Variants in NECTIN3 observed in about 807,000 individuals in gnomAD.
The protein encoded by NECTIN3 is nectin-3.
In NECTIN3, 8 loss-of-function variants were observed where a neutral mutation model predicts 49.4. The observed-to-expected ratio is 0.16, with a 90% confidence interval of 0.10 to 0.29. The LOEUF (loss-of-function observed/expected upper bound fraction) is 0.29. Among genes scored for constraint, NECTIN3 ranks in the 10% least tolerant of loss-of-function variants. NECTIN3 has a pLI of 1.00. For synonymous variants in NECTIN3, 277 were observed against 241.1 expected (o/e 1.15, Z -1.38); for missense variants, 581 against 654.6 (o/e 0.89, Z 1.23).
chr3:111,115,291 A>G (rs2107456322), intron 2 of NECTIN3, among the ~76,000 whole-genome samples: 1 of 152,326 alleles, frequency 6.6e-6, no homozygotes, highest in Non-Finnish European at 1.5e-5. Context: ...TATGAAGTAC[A>G]AGAATTAAAG....
chr3:111,106,687 A>G (rs1043071005), intron 1 of NECTIN3, among the ~76,000 whole-genome samples: 2 of 152,198 alleles, frequency 1.3e-5, no homozygotes, highest in Admixed American at 1.3e-4. Context: ...GAGGACAACT[A>G]TATGCTATTA....
At chr3:111,122,328 G>A in intron 4 of NECTIN3, 90 bp downstream of exon 4, 2 of 921,186 alleles carry the variant, frequency 2.2e-6, no homozygotes, top group South Asian at 2.0e-5. Context: ...TATAATACAT[G>A]ATTATAGTAA....
chr3:111,134,582 A>G lies in NECTIN3; in HGVS notation c.*367A>G, dbSNP rs76049661. 4,624 of 952,088 alleles carry G rather than the reference A, an allele frequency of 4.9e-3. 161 individuals are homozygous for G. In the African/African-American group the frequency reaches 0.074, roughly 15 times the overall value. 59.0% of individuals were successfully genotyped at this position (952,088 alleles called of 1,614,324 possible). On this transcript the variant is annotated 3_prime_UTR_variant, in exon 6 of 6. Coordinates refer to ENST00000485303, the MANE Select transcript of NECTIN3 (RefSeq NM_015480.3). ...GTGTATTAAATGTTTACCTAAGACT[A>G]TAATCTCAAGTATGATGTTTGTTTA...
chr3:111,172,641 T>C (rs1020003777), intron 7 of NECTIN3, among the ~76,000 whole-genome samples: 2 of 152,190 alleles, frequency 1.3e-5, no homozygotes, highest in Non-Finnish European at 2.9e-5. Context: ...TGCTAACAAA[T>C]TAAACTTTCG....
At chr3:111,115,486 G>A (rs1422451651) in intron 2 of NECTIN3, among the ~76,000 whole-genome samples, 1 of 152,136 alleles carries the variant, frequency 6.6e-6, no homozygotes. Flanking sequence ...CATCACTTGG[G>A]AACTTGTTAG....
chr3:111,100,103 G>T lies in NECTIN3; in HGVS notation c.161-11927G>T, dbSNP rs145498617. On this transcript the variant is annotated intron_variant, in intron 1 of 5. Coordinates refer to ENST00000485303, the MANE Select transcript of NECTIN3 (RefSeq NM_015480.3). Reference sequence around the variant, plus strand: ...TCTCATTCTTAGACCTTAGAAGTACGTGTGTTACTGAATCATAAGCCCTAT... The same window carrying T: ...TCTCATTCTTAGACCTTAGAAGTACTTGTGTTACTGAATCATAAGCCCTAT... Among the ~76,000 whole-genome samples, 3 of 152,116 alleles carry T rather than the reference G, an allele frequency of 2.0e-5. No homozygotes were observed. The East Asian group carries it at 5.8e-4, about 29-fold the overall frequency.
chr3:111,157,785 C>CT (rs916067451), intron 7 of NECTIN3, among the ~76,000 whole-genome samples: 25 of 152,046 alleles, frequency 1.6e-4, no homozygotes, highest in African/African-American at 5.8e-4. Context: ...ATCTTGACTC[C>CT]TTTTTTTCCC....
chr3:111,160,498 G>T (rs1196459217), intron 7 of NECTIN3, among the ~76,000 whole-genome samples: 1 of 151,996 alleles, frequency 6.6e-6, no homozygotes. Context: ...AAACCCAGTT[G>T]GATTGGATTA....
At position 111,134,128 on chromosome 3, in the gene NECTIN3, C is replaced by A; in HGVS notation, c.1563C>A (p.Val521=). The A allele has an allele frequency of 6.2e-7, 1 of 1,613,084 alleles. No homozygotes were observed. The highest frequency in any genetic ancestry group is 1.1e-5 in the South Asian group (1 of 90,958). The change falls in exon 6 of 6, where the codon GTC becomes GTA. Residue 521 remains valine, a synonymous_variant. Transcript: ENST00000485303. ...ATCTAAAAATGGGAATGAAGTTTGT[C>A]AGTGATGAACATTATGATGAAAACG... ...YEDLKMGMKF[V]SDEHYDENED...
intron 1 of NECTIN3, among the ~76,000 whole-genome samples, chr3:111,086,031 G>A (rs1015731634): frequency 3.9e-5 from 6 of 152,044 alleles, no homozygotes; most frequent in African/African-American, 1.2e-4. Context: ...TGGTGATTGT[G>A]ATTTTAATTT....
chr3:111,089,406 C>CGTGT (rs139575444), intron 1 of NECTIN3, among the ~76,000 whole-genome samples: 5,149 of 147,056 alleles, frequency 0.035, 108 homozygotes, highest in Middle Eastern at 0.052. Context: ...CAGCCTTTCT[C>CGTGT]GTGTGTGTGT....
chr3:111,112,926 T>G (rs1447971786), intron 2 of NECTIN3, among the ~76,000 whole-genome samples: 1 of 152,174 alleles, frequency 6.6e-6, no homozygotes, highest in Non-Finnish European at 1.5e-5. Flanking sequence ...GCTCGTTAAC[T>G]TTAAGCTACT....
At chr3:111,131,369 A>G (rs926289042) in intron 5 of NECTIN3, among the ~76,000 whole-genome samples, 1 of 152,042 alleles carries the variant, frequency 6.6e-6, no homozygotes, top group Admixed American at 6.5e-5. Context: ...AAATCATGAT[A>G]TGGTGATGAA....
At chr3:111,139,392 C>A (rs2107503000), downstream of NECTIN3, among the ~76,000 whole-genome samples, 1 of 151,776 alleles carries the variant, frequency 6.6e-6, no homozygotes, top group Middle Eastern at 3.4e-3. Flanking sequence ...TTCATTTGTT[C>A]TAAATTTTTC....
intron 5 of NECTIN3, among the ~76,000 whole-genome samples, chr3:111,143,061 G>C (rs767939448): frequency 3.3e-5 from 5 of 151,760 alleles, no homozygotes; most frequent in Non-Finnish European, 5.9e-5. Flanking sequence ...GGATTGAGTA[G>C]GACCATCTAC....
chr3:111,165,210 A>C (rs191838509), intron 7 of NECTIN3, among the ~76,000 whole-genome samples: 2 of 151,764 alleles, frequency 1.3e-5, no homozygotes, highest in Non-Finnish European at 2.9e-5. Context: ...TGCCCAGCTA[A>C]TTTTTTGTAT....
downstream of NECTIN3, among the ~76,000 whole-genome samples, chr3:111,138,987 A>C (rs1008288088): frequency 2.0e-5 from 3 of 151,640 alleles, no homozygotes; most frequent in Admixed American, 6.6e-5. Flanking sequence ...AAAGCTTCTT[A>C]TTATGGAAAA....
At chr3:111,083,076 C>T (rs1200806096) in intron 1 of NECTIN3, among the ~76,000 whole-genome samples, 1 of 152,078 alleles carries the variant, frequency 6.6e-6, no homozygotes, top group Non-Finnish European at 1.5e-5. Context: ...CTGGTGAATA[C>T]AGATGAAGCT....
At position 111,122,029 on chromosome 3, in the gene NECTIN3, A is replaced by G. The variant is rs1351941902; in HGVS notation, c.800-92A>G. On this transcript the variant is annotated intron_variant, in intron 3 of 5. Coordinates refer to ENST00000485303, the MANE Select transcript of NECTIN3 (RefSeq NM_015480.3). Reference sequence around the variant, plus strand: ...AAGGAAAAATGGTTCCTGTTATTCTAAGGCTTTGTCTATTATCTTAATATT... The same window carrying G: ...AAGGAAAAATGGTTCCTGTTATTCTGAGGCTTTGTCTATTATCTTAATATT... The G allele has an allele frequency of 9.1e-6, 8 of 879,658 alleles. No homozygotes were observed. The East Asian group carries it at 1.0e-4, about 11-fold the overall frequency. The allele number at this position is 879,658 out of a possible 1,614,324, so 54.5% of individuals were successfully genotyped here. A position where few individuals can be genotyped will look rare whatever the true frequency, so the allele number is the denominator to read the frequency against.
Sources: gnomAD v4.1 joint callset for allele counts (sites outside exome capture counted in the v4.1 genomes callset) on GRCh38, gnomAD v4.1.1 for gene constraint, MANE v1.5 for transcripts, NCBI Gene and HGNC (gene_info 2026-07-23, HGNC 2026-07-21) for gene names.